Variants in UNC13C observed in about 807,000 individuals in gnomAD.
UNC13C encodes unc-13 homolog C.
Under a neutral mutation model 245.4 loss-of-function variants are expected in UNC13C, and 174 were observed. That is an observed-to-expected ratio of 0.71 (90% CI 0.63 to 0.80). The LOEUF (loss-of-function observed/expected upper bound fraction) is 0.80, where lower values mean the gene tolerates loss of function less well. Among genes scored for constraint, UNC13C ranks in the 30% least tolerant of loss-of-function variants. The pLI, the probability that UNC13C is intolerant of heterozygous loss-of-function variation, is 0.00. For synonymous variants in UNC13C, 992 were observed against 895.1 expected (o/e 1.11, Z -1.93); for missense variants, 2,829 against 2,602.9 (o/e 1.09, Z -1.89).
At chr15:54,120,121 A>T (rs1475558919) in intron 2 of UNC13C, among the ~76,000 whole-genome samples, 2 of 152,240 alleles carry the variant, frequency 1.3e-5, no homozygotes, top group Admixed American at 1.3e-4. Flanking sequence ...GATTTTCAAT[A>T]TAGACAAAAC....
intron 2 of UNC13C, among the ~76,000 whole-genome samples, chr15:54,070,487 G>GT (rs1898269646): frequency 6.6e-6 from 1 of 152,160 alleles, no homozygotes; most frequent in South Asian, 2.1e-4. Flanking sequence ...TCTGAATGCA[G>GT]TATAAGATGA....
At chr15:54,540,244 G>A (rs1896182481) in intron 26 of UNC13C, among the ~76,000 whole-genome samples, 1 of 151,988 alleles carries the variant, frequency 6.6e-6, no homozygotes, top group African/African-American at 2.4e-5. Context: ...AATTTGATTT[G>A]GATTGGGTAT....
At chr15:54,322,214 G>A (rs1337997559) in intron 14 of UNC13C, 119 bp downstream of exon 14, 2 of 937,822 alleles carry the variant, frequency 2.1e-6, no homozygotes, top group Non-Finnish European at 3.0e-6. Flanking sequence ...TTAGGGAATA[G>A]CGTAATGGGT....
the UNC13C span, among the ~76,000 whole-genome samples, chr15:53,945,817 A>C: frequency 6.6e-6 from 1 of 152,018 alleles, no homozygotes; most frequent in South Asian, 2.1e-4. Flanking sequence ...ATAGCATTGA[A>C]TCTATAATAC....
chr15:54,478,909 G>A (rs1351532749), intron 19 of UNC13C, among the ~76,000 whole-genome samples: 1 of 151,900 alleles, frequency 6.6e-6, no homozygotes, highest in African/African-American at 2.4e-5. Context: ...TTGACAGTGG[G>A]GTGTTAAAGT....
chr15:53,908,737 ATGAGAACCTTTCTCC>A, the UNC13C span, among the ~76,000 whole-genome samples: 1,449 of 105,176 alleles, frequency 0.014, 107 homozygotes, highest in African/African-American at 0.056. Context: ...GGGTGACAGA[ATGAGAACCTTTCTCC>A]AAAAAAAAAA....
rs184069370 is a variant in UNC13C at position 54,159,206 on chromosome 15, A to G, written c.3071+15522A>G. Reference sequence around the variant, plus strand: ...TTTCATGCTCACTATTGAGCAGGCTACAATAGAACTGTCGAGTAAACATGC... The same window carrying G: ...TTTCATGCTCACTATTGAGCAGGCTGCAATAGAACTGTCGAGTAAACATGC... On this transcript the variant is annotated intron_variant, in intron 4 of 32. Coordinates refer to ENST00000260323, the MANE Select transcript of UNC13C (RefSeq NM_001080534.3). 2.1e-3 allele frequency among the ~76,000 whole-genome samples: 324 copies of G among 152,342 alleles called. 1 individual carries two copies. The highest frequency in any genetic ancestry group is 3.4e-3 in the Non-Finnish European group (230 of 68,030).
Position 54,172,376 on chromosome 15 carries a change from T to C in UNC13C, c.3071+28692T>C, listed in dbSNP as rs548470396. 3.3e-5 allele frequency among the ~76,000 whole-genome samples: 5 copies of C among 152,032 alleles called. 1 individual carries two copies. The South Asian group carries it at 8.3e-4, about 25-fold the overall frequency. ...AAATATACCATGTACCCCATAAATA[T>C]ACACACCTACTAGGTACACACAATT... On this transcript the variant is annotated intron_variant, in intron 4 of 32. Transcript: ENST00000260323.
chr15:53,909,492 G>T, the UNC13C span, among the ~76,000 whole-genome samples: 1 of 146,408 alleles, frequency 6.8e-6, no homozygotes, highest in Admixed American at 7.0e-5. Context: ...GGTGGCTCAC[G>T]CCTGTAATCC....
intron 19 of UNC13C, among the ~76,000 whole-genome samples, chr15:54,460,123 G>A (rs868487838): frequency 6.6e-5 from 10 of 152,098 alleles, no homozygotes; most frequent in African/African-American, 2.4e-4. Context: ...CTAGGAATGG[G>A]GCTTCCTGAA....
chr15:54,128,016 T>A (rs1420383890), intron 2 of UNC13C, among the ~76,000 whole-genome samples: 1 of 151,886 alleles, frequency 6.6e-6, no homozygotes, highest in Non-Finnish European at 1.5e-5. Context: ...ACCTAGGATA[T>A]CCTAAAGACT....
chr15:54,401,694 C>G (rs1245938255), intron 18 of UNC13C, among the ~76,000 whole-genome samples: 1 of 151,794 alleles, frequency 6.6e-6, no homozygotes, highest in Non-Finnish European at 1.5e-5. Flanking sequence ...ATAGCAGAGT[C>G]ACGTACTGGA....
intron 19 of UNC13C, among the ~76,000 whole-genome samples, chr15:54,464,605 A>T (rs1892066485): frequency 6.6e-6 from 1 of 152,058 alleles, no homozygotes; most frequent in Non-Finnish European, 1.5e-5. Flanking sequence ...AAGGAAAAGG[A>T]CTCATCTTAA....
At chr15:53,913,101 T>C in the UNC13C span, 4 of 152,264 alleles carry the variant, frequency 2.6e-5, no homozygotes, top group Non-Finnish European at 5.9e-5. Context: ...AGGGCTTATA[T>C]GCATAGCCCC....
chr15:53,983,655 C>G (rs1056947233), intron 1 of UNC13C, among the ~76,000 whole-genome samples: 2 of 151,226 alleles, frequency 1.3e-5, no homozygotes, highest in East Asian at 1.9e-4. Context: ...AATTGCCTAC[C>G]GTAATTGCTT....
At chr15:54,097,761 A>C (rs1899947558) in intron 2 of UNC13C, among the ~76,000 whole-genome samples, 1 of 152,190 alleles carries the variant, frequency 6.6e-6, no homozygotes, top group Non-Finnish European at 1.5e-5. Context: ...AACTGTGTGT[A>C]GTTATGTGAC....
chr15:54,037,373 A>G (rs1318709287), intron 2 of UNC13C, among the ~76,000 whole-genome samples: 3 of 152,232 alleles, frequency 2.0e-5, no homozygotes, highest in Non-Finnish European at 4.4e-5. Context: ...TCTGTTCCCT[A>G]CCTTCTACAG....
upstream of UNC13C, among the ~76,000 whole-genome samples, chr15:53,976,085 C>T (rs1310962238): frequency 6.6e-6 from 1 of 152,096 alleles, no homozygotes; most frequent in African/African-American, 2.4e-5. Context: ...CGTCAAAAGC[C>T]AAAACATTTC....
At chr15:54,595,725 T>C (rs2141262911) in intron 30 of UNC13C, among the ~76,000 whole-genome samples, 1 of 152,322 alleles carries the variant, frequency 6.6e-6, no homozygotes, top group South Asian at 2.1e-4. Context: ...CTAAGAGTGG[T>C]TTTAGTGATG....
Sources: allele counts gnomAD v4.1 joint callset (sites outside exome capture counted in the v4.1 genomes callset), GRCh38; gene constraint gnomAD v4.1.1; transcripts MANE v1.5; gene names NCBI Gene and HGNC (gene_info 2026-07-23, HGNC 2026-07-21).